ASTN1: variants seen among roughly 807,000 people sequenced by gnomAD.
ASTN1 encodes astrotactin 1.
ASTN1 carries 41 observed loss-of-function variants against 140.7 expected under a neutral mutation model. The ratio of observed to expected loss-of-function variants is 0.29; its 90% CI spans 0.23 to 0.38. The LOEUF (loss-of-function observed/expected upper bound fraction) is 0.38, where lower values mean the gene tolerates loss of function less well. Ranked by LOEUF, ASTN1 falls within the 10% of genes least tolerant of loss-of-function variation. ASTN1 has a pLI of 1.00. For missense variants in ASTN1, 1,479 were observed against 1,678.8 expected, an observed-to-expected ratio of 0.88 and a Z score of 2.08; for synonymous variants, 640 against 652.2, an observed-to-expected ratio of 0.98 and a Z score of 0.29.
intron 1 of ASTN1, among the ~76,000 whole-genome samples, chr1:177,140,215 C>T (rs547231355): frequency 4.6e-5 from 7 of 152,202 alleles, no homozygotes; most frequent in Middle Eastern, 3.4e-3. Flanking sequence ...TTATAATAGC[C>T]GAAAATAGCT....
intron 21 of ASTN1, among the ~76,000 whole-genome samples, chr1:176,871,280 A>G (rs1668331896): frequency 6.6e-6 from 1 of 152,178 alleles, no homozygotes; most frequent in Admixed American, 6.5e-5. Flanking sequence ...GGAAGCAAGG[A>G]GCGCTTGCTG....
intron 8 of ASTN1, among the ~76,000 whole-genome samples, chr1:177,000,590 T>C (rs866820173): frequency 6.6e-6 from 1 of 152,150 alleles, no homozygotes; most frequent in African/African-American, 2.4e-5. Context: ...CACTTTACAG[T>C]AGATGAGTAT....
At chr1:176,963,128 G>A (rs1672738144) in intron 9 of ASTN1, among the ~76,000 whole-genome samples, 1 of 152,164 alleles carries the variant, frequency 6.6e-6, no homozygotes, top group Non-Finnish European at 1.5e-5. Context: ...AGAACAAAAG[G>A]TTCTCTAGAA....
chr1:176,990,890 C>T (rs1674126864), intron 8 of ASTN1, among the ~76,000 whole-genome samples: 1 of 152,272 alleles, frequency 6.6e-6, no homozygotes, highest in Non-Finnish European at 1.5e-5. Flanking sequence ...TCTAAACAAC[C>T]TCTCTTCCCT....
chr1:177,050,801 T>C (rs1677503900), intron 2 of ASTN1, among the ~76,000 whole-genome samples: 1 of 152,196 alleles, frequency 6.6e-6, no homozygotes, highest in South Asian at 2.1e-4. Flanking sequence ...CCAACTTTAT[T>C]ATGACATCAA....
intron 1 of ASTN1, among the ~76,000 whole-genome samples, chr1:177,110,000 T>C (rs980248733): frequency 2.0e-5 from 3 of 152,236 alleles, no homozygotes; most frequent in African/African-American, 4.8e-5. Context: ...TTTCCTCTTA[T>C]GCTACTTAAT....
intron 16 of ASTN1, among the ~76,000 whole-genome samples, chr1:176,900,380 C>T (rs999093294): frequency 1.3e-5 from 2 of 152,202 alleles, no homozygotes; most frequent in African/African-American, 4.8e-5. Context: ...CGTGCAGGTC[C>T]TAACTCAGCA....
chr1:177,149,606 T>C (rs867772987), intron 1 of ASTN1, among the ~76,000 whole-genome samples: 10 of 90,232 alleles, frequency 1.1e-4, no homozygotes, highest in African/African-American at 4.9e-4. Flanking sequence ...ACTGTATATA[T>C]ATAGTAAATA....
At chr1:177,141,169 T>C (rs1033848800) in intron 1 of ASTN1, among the ~76,000 whole-genome samples, 3 of 152,000 alleles carry the variant, frequency 2.0e-5, no homozygotes, top group Admixed American at 2.0e-4. Context: ...TGAACTGAGG[T>C]CGTGCCATTG....
chr1:177,160,300 G>A (rs1018756686), intron 1 of ASTN1, among the ~76,000 whole-genome samples: 3 of 152,170 alleles, frequency 2.0e-5, no homozygotes, highest in Admixed American at 6.5e-5. Context: ...GCCAGAAGTT[G>A]ACAGCAAATC....
chr1:177,048,696 A>C (rs939082790), intron 2 of ASTN1, among the ~76,000 whole-genome samples: 1 of 152,140 alleles, frequency 6.6e-6, no homozygotes, highest in Non-Finnish European at 1.5e-5. Flanking sequence ...TTGCTCCCTA[A>C]TGTGGGGGAG....
intron 2 of ASTN1, among the ~76,000 whole-genome samples, chr1:177,049,833 G>A (rs930841945): frequency 1.7e-4 from 26 of 152,160 alleles, no homozygotes; most frequent in African/African-American, 6.3e-4. Flanking sequence ...AAGGAGGGTG[G>A]TCCTGCCGTG....
chr1:177,104,468 T>C (rs1341742343), intron 1 of ASTN1, among the ~76,000 whole-genome samples: 1 of 152,234 alleles, frequency 6.6e-6, no homozygotes, highest in Non-Finnish European at 1.5e-5. Flanking sequence ...CAAAGTCATG[T>C]TTTATTGGAC....
chr1:176,885,253 C>T (rs1668986447), intron 18 of ASTN1, among the ~76,000 whole-genome samples: 1 of 152,168 alleles, frequency 6.6e-6, no homozygotes, highest in Non-Finnish European at 1.5e-5. Context: ...TTTCTCACTT[C>T]ATACTCTCCT....
At chr1:176,897,939 T>C (rs1669592831) in intron 16 of ASTN1, among the ~76,000 whole-genome samples, 1 of 152,104 alleles carries the variant, frequency 6.6e-6, no homozygotes, top group Non-Finnish European at 1.5e-5. Flanking sequence ...TTACTAAGCA[T>C]GTACCGTGCT....
intron 1 of ASTN1, among the ~76,000 whole-genome samples, chr1:177,080,259 C>CAAAAA (rs11300384): frequency 6.2e-5 from 3 of 48,408 alleles, no homozygotes; most frequent in East Asian, 7.6e-4. Flanking sequence ...ATCACCAGGC[C>CAAAAA]AAAAAAAAAA....
intron 11 of ASTN1, 93 bp from the exon 12 acceptor site, chr1:176,949,444 A>C: frequency 7.4e-7 from 1 of 1,348,502 alleles, no homozygotes; most frequent in Non-Finnish European, 1.0e-6. Context: ...AATTTGTAGC[A>C]CTCAGCCTTG....
At chr1:176,883,128 TAGAA>T in intron 19 of ASTN1, 134 bp from the exon 20 acceptor site, 1 of 1,268,932 alleles carries the variant, frequency 7.9e-7, no homozygotes, top group South Asian at 1.4e-5. Flanking sequence ...GAAGGAGACT[TAGAA>T]GGAATGGCCT....
chr1:177,026,514 G>A (rs1436029465), intron 5 of ASTN1, among the ~76,000 whole-genome samples: 1 of 152,096 alleles, frequency 6.6e-6, no homozygotes, highest in Non-Finnish European at 1.5e-5. Context: ...TGTCTCTTTA[G>A]GGTATGTTCC....
Sources: gnomAD v4.1 joint callset for allele counts (sites outside exome capture counted in the v4.1 genomes callset) on GRCh38, gnomAD v4.1.1 for gene constraint, MANE v1.5 for transcripts, NCBI Gene and HGNC (gene_info 2026-07-23, HGNC 2026-07-21) for gene names.